Variants in MMP16 observed in about 807,000 individuals in gnomAD.
The protein encoded by MMP16 is matrix metalloproteinase-16.
MMP16 carries 12 observed loss-of-function variants against 67.8 expected under a neutral mutation model. The observed-to-expected ratio is 0.18, with a 90% CI of 0.11 to 0.29. The LOEUF is 0.29. Ranked by LOEUF, MMP16 falls within the 10% of genes least tolerant of loss-of-function variation. The pLI is 1.00. For missense variants in MMP16, 475 were observed against 765.7 expected (o/e 0.62, Z 4.48); for synonymous variants, 249 against 255.9 (o/e 0.97, Z 0.26).
intron 1 of MMP16, among the ~76,000 whole-genome samples, chr8:88,277,849 AC>A: frequency 6.6e-6 from 1 of 152,316 alleles, no homozygotes; most frequent in East Asian, 1.9e-4. Flanking sequence ...CTTTTGAGAA[AC>A]TAAATAAGAC....
intron 6 of MMP16, among the ~76,000 whole-genome samples, chr8:88,083,960 T>C (rs982945089): frequency 2.6e-5 from 4 of 151,912 alleles, no homozygotes; most frequent in Admixed American, 6.6e-5. Context: ...TTATAAGAAA[T>C]AACACAAACA....
intron 4 of MMP16, among the ~76,000 whole-genome samples, chr8:88,165,608 G>A (rs926785273): frequency 4.6e-5 from 7 of 151,950 alleles, no homozygotes; most frequent in African/African-American, 1.7e-4. Flanking sequence ...GAATCCCTGT[G>A]TGATTTTGAA....
chr8:88,199,347 A>G (rs1784934503), intron 1 of MMP16, among the ~76,000 whole-genome samples: 1 of 151,960 alleles, frequency 6.6e-6, no homozygotes, highest in Non-Finnish European at 1.5e-5. Flanking sequence ...ATGAATTGAG[A>G]TTTTTCTTCA....
chr8:88,153,761 C>A (rs1182635119), intron 4 of MMP16, among the ~76,000 whole-genome samples: 166 of 150,060 alleles, frequency 1.1e-3, no homozygotes, highest in Non-Finnish European at 2.1e-3. Context: ...ACCATAAAAA[C>A]CCTAGAAGAA....
rs28904634 is a variant in MMP16, at chr8:88,211,324, T to C, written c.133-14018A>G. 1.9e-3 allele frequency among the ~76,000 whole-genome samples: 285 copies of C among 152,248 alleles called. 5 individuals are homozygous for C. The highest frequency in any genetic ancestry group is 0.013 in the Admixed American group (206 of 15,270). On this transcript the variant is annotated intron_variant, in intron 1 of 9. Coordinates refer to ENST00000286614, the MANE Select transcript of MMP16 (RefSeq NM_005941.5). ...CAAGGTTGTAAGTTATAAAATATGT[T>C]GTAGTTATTATTATTGCCATTGTAA...
chr8:88,103,849 A>G (rs28906376), intron 6 of MMP16, among the ~76,000 whole-genome samples: 4,157 of 151,936 alleles, frequency 0.027, 75 homozygotes, highest in Non-Finnish European at 0.038. Flanking sequence ...TACATAAACA[A>G]AATAAGTGGT....
chr8:88,183,899 T>G (rs1223389068), intron 3 of MMP16, among the ~76,000 whole-genome samples: 1 of 151,134 alleles, frequency 6.6e-6, no homozygotes, highest in African/African-American at 2.4e-5. Flanking sequence ...TTTATTTATT[T>G]AGTATTTATT....
intron 6 of MMP16, among the ~76,000 whole-genome samples, chr8:88,078,832 A>G (rs1808696866): frequency 6.6e-6 from 1 of 152,216 alleles, no homozygotes; most frequent in Admixed American, 6.5e-5. Flanking sequence ...GAACATTTCT[A>G]GCAGTCACCA....
intron 4 of MMP16, 151 bp downstream of exon 4, chr8:88,167,518 C>T: frequency 2.8e-6 from 2 of 705,842 alleles, no homozygotes; most frequent in Non-Finnish European, 4.5e-6. Flanking sequence ...AAATTCTTAT[C>T]CTAAAATGCT....
chr8:88,248,678 T>A (rs550260061), intron 1 of MMP16, among the ~76,000 whole-genome samples: 1 of 151,804 alleles, frequency 6.6e-6, no homozygotes, highest in East Asian at 1.9e-4. Context: ...ACACATCTGA[T>A]CATCAGAATA....
At chr8:88,213,430 T>C (rs1809542102) in intron 1 of MMP16, among the ~76,000 whole-genome samples, 1 of 152,160 alleles carries the variant, frequency 6.6e-6, no homozygotes, top group Non-Finnish European at 1.5e-5. Context: ...ATGTTACTAA[T>C]ATATTCATAT....
chr8:88,175,818 G>A lies in MMP16; in HGVS notation c.405-7845C>T, dbSNP rs1323361469. ...TTGAATCATGGGGTCAGGTTTTCCT[G>A]TGCTGTTCTTGTGATAGTGAATATG... On this transcript the variant is annotated intron_variant, in intron 3 of 9. Transcript: ENST00000286614. Among the ~76,000 whole-genome samples the A allele has an allele frequency of 3.3e-5, 5 of 152,062 alleles. No individual in the cohort carries two copies. In the East Asian group the frequency reaches 7.7e-4, roughly 24 times the overall value.
intron 6 of MMP16, among the ~76,000 whole-genome samples, chr8:88,083,110 G>T (rs1459585457): frequency 6.6e-6 from 1 of 151,930 alleles, no homozygotes; most frequent in African/African-American, 2.4e-5. Flanking sequence ...TTAGAACAAA[G>T]AGTTTCAGAG....
At chr8:88,078,386 G>A (rs187941264) in intron 6 of MMP16, among the ~76,000 whole-genome samples, 6 of 152,118 alleles carry the variant, frequency 3.9e-5, no homozygotes, top group African/African-American at 1.2e-4. Flanking sequence ...GTACACCATG[G>A]AGCAGTAACA....
chr8:88,116,667 G>C lies in MMP16; in HGVS notation c.923C>G (p.Pro308Arg). Residue 308 changes from proline to arginine, a missense_variant, in exon 6 of 10, where the codon CCA (proline) becomes CGA (arginine). Pro to Arg is a moderately radical substitution (Grantham distance 103). Coordinates refer to ENST00000286614, the MANE Select transcript of MMP16 (RefSeq NM_005941.5). ...PPTRPLPTVP[P>R]HRSIPPADPR... ...GTCAGCCGGAGGAATAGAGCGGTGT[G>C]GGGGCACTGTCGGTAGAGGTCTTGT... 5 of 1,613,770 alleles carry C rather than the reference G, an allele frequency of 3.1e-6. No individual in the cohort carries two copies. The highest frequency in any genetic ancestry group is 1.7e-4 in the Middle Eastern group (1 of 6,054).
At chr8:88,075,194 T>G (rs1808627384) in intron 6 of MMP16, among the ~76,000 whole-genome samples, 1 of 152,190 alleles carries the variant, frequency 6.6e-6, no homozygotes. Context: ...CTGTTATGCC[T>G]ATTGTCTCAT....
At chr8:88,293,713 A>G (rs1810961160) in intron 1 of MMP16, among the ~76,000 whole-genome samples, 1 of 152,138 alleles carries the variant, frequency 6.6e-6, no homozygotes, top group Non-Finnish European at 1.5e-5. Flanking sequence ...TTTTTTAGAA[A>G]ACCAAAAGGA....
intron 1 of MMP16, among the ~76,000 whole-genome samples, chr8:88,299,000 AT>A (rs995304457): frequency 6.6e-6 from 1 of 151,128 alleles, no homozygotes; most frequent in Admixed American, 6.6e-5. Context: ...GTAAAAATCC[AT>A]TTTTTTTTCT....
intron 7 of MMP16, among the ~76,000 whole-genome samples, chr8:88,064,818 T>C (rs1386897923): frequency 6.6e-6 from 1 of 152,118 alleles, no homozygotes; most frequent in Non-Finnish European, 1.5e-5. Context: ...ATATGACTTT[T>C]TGTTAGTAGC....
Sources: allele counts gnomAD v4.1 joint callset (sites outside exome capture counted in the v4.1 genomes callset), GRCh38; gene constraint gnomAD v4.1.1; transcripts MANE v1.5; gene names NCBI Gene and HGNC (gene_info 2026-07-23, HGNC 2026-07-21).